The following MARK2 variants were observed in gnomAD, a reference collection of about 807,000 sequenced individuals.
The protein encoded by MARK2 is serine/threonine-protein kinase MARK2.
Under a neutral mutation model 89.8 loss-of-function variants are expected in MARK2, and 16 were observed. The ratio of observed to expected loss-of-function variants is 0.18; its 90% CI spans 0.12 to 0.27. The LOEUF (loss-of-function observed/expected upper bound fraction) is 0.27. Among genes scored for constraint, MARK2 ranks in the 10% least tolerant of loss-of-function variants. The pLI, the probability that MARK2 is intolerant of heterozygous loss-of-function variation, is 1.00. For missense variants in MARK2, 621 were observed against 1,049.9 expected, an observed-to-expected ratio of 0.59 and a Z score of 5.65; for synonymous variants, 382 against 399.5, an observed-to-expected ratio of 0.96 and a Z score of 0.52.
At chr11:63,889,273 GGCCA>G (rs1352085863) in intron 1 of MARK2, among the ~76,000 whole-genome samples, 2 of 152,274 alleles carry the variant, frequency 1.3e-5, no homozygotes, top group East Asian at 3.9e-4. Context: ...TAGGATCTGG[GGCCA>G]TTGCCCAGGA....
At chr11:63,856,661 GA>G (rs1247357893) in intron 1 of MARK2, among the ~76,000 whole-genome samples, 1 of 150,948 alleles carries the variant, frequency 6.6e-6, no homozygotes, top group African/African-American at 2.4e-5. Flanking sequence ...TGGCCTAAGT[GA>G]TCCGCCAACC....
At chr11:63,898,507 G>T in intron 4 of MARK2, 101 bp from the exon 5 acceptor site, 2 of 994,748 alleles carry the variant, frequency 2.0e-6, no homozygotes, top group Admixed American at 1.8e-5. Flanking sequence ...GATCATGAAA[G>T]GAGGGGAGAC....
At position 63,902,934 on chromosome 11, in the gene MARK2, T is replaced by C; in HGVS notation, c.1417-127T>C. The C allele has an allele frequency of 9.4e-7, 1 of 1,064,894 alleles. No individual in the cohort carries two copies. Among genetic ancestry groups the C allele is most frequent in the Non-Finnish European group, 1.4e-6 (1 of 700,086 alleles). 66.0% of individuals were successfully genotyped at this position (1,064,894 alleles called of 1,614,324 possible). On this transcript the variant is annotated intron_variant, in intron 13 of 18. Transcript: ENST00000402010. The surrounding 1 kb of genome is among the most constrained non-coding windows in gnomAD (Gnocchi z 4.2). ...TCCCAGCAGTAAATGCAGAATCCTT[T>C]CCTTAACCTACCACTGTCTGCTTCA...
intron 1 of MARK2, among the ~76,000 whole-genome samples, chr11:63,877,331 G>A (rs1171082959): frequency 5.9e-5 from 9 of 151,806 alleles, no homozygotes; most frequent in Admixed American, 2.0e-4. Context: ...GTCTGGTCTC[G>A]AACGCCTGAC....
chr11:63,856,994 T>G (rs1057349438), intron 1 of MARK2, among the ~76,000 whole-genome samples: 13 of 150,594 alleles, frequency 8.6e-5, no homozygotes, highest in Non-Finnish European at 1.9e-4. Flanking sequence ...TGTATTTTTA[T>G]TAGAGATGGG....
rs1590697520 is a variant in MARK2 at position 63,902,962 on chromosome 11, T to G, written c.1417-99T>G. The G allele has an allele frequency of 8.6e-7, 1 of 1,164,722 alleles. No homozygotes were observed. Among genetic ancestry groups the G allele is most frequent in the East Asian group, 2.3e-5 (1 of 42,798 alleles). 72.1% of individuals were successfully genotyped at this position (1,164,722 alleles called of 1,614,324 possible). ...TTAACCTACCACTGTCTGCTTCAGGTGGAAGGGACAGGAAGCCTGTTCCAT... is the reference window on the plus strand; with the variant it reads ...TTAACCTACCACTGTCTGCTTCAGGGGGAAGGGACAGGAAGCCTGTTCCAT... On this transcript the variant is annotated intron_variant, in intron 13 of 18. Coordinates refer to ENST00000402010, the MANE Select transcript of MARK2 (RefSeq NM_001039469.3). The surrounding 1 kb of genome is among the most constrained non-coding windows in gnomAD (Gnocchi z 4.2).
In MARK2 at chr11:63,902,337, G is replaced by A. The variant is rs1405173007; in HGVS notation, c.1234+7G>A. On this transcript the variant is annotated splice_region_variant and intron_variant, in intron 12 of 18. Transcript: ENST00000402010. The surrounding 1 kb of genome is among the most constrained non-coding windows in gnomAD (Gnocchi z 4.2). The stretch of plus-strand genomic sequence containing the variant: ...CGGCGCTTCAGCGACCAGGGTAAAT[G>A]CTTTTGGGAGTTGTAGGTGGGGACT... 1 of 1,613,850 alleles carries A rather than the reference G, an allele frequency of 6.2e-7. No individual in the cohort carries two copies. Among genetic ancestry groups the A allele is most frequent in the South Asian group, 1.1e-5 (1 of 91,080 alleles).
At chr11:63,887,680 CCAGAGG>C (rs1344881149) in intron 1 of MARK2, among the ~76,000 whole-genome samples, 1 of 152,008 alleles carries the variant, frequency 6.6e-6, no homozygotes, top group African/African-American at 2.4e-5. Context: ...GTTCTGAGAA[CCAGAGG>C]CAAGGCTGCA....
intron 1 of MARK2, among the ~76,000 whole-genome samples, chr11:63,861,764 A>G (rs1279903109): frequency 3.7e-4 from 51 of 139,640 alleles, no homozygotes; most frequent in Non-Finnish European, 7.4e-4. Context: ...TTTTTGAGAC[A>G]GAGTCTCGCT....
Position 63,902,080 on chromosome 11 carries a change from C to A in MARK2, c.1102-118C>A. On this transcript the variant is annotated intron_variant, in intron 11 of 18. Coordinates refer to ENST00000402010, the MANE Select transcript of MARK2 (RefSeq NM_001039469.3). This position sits in a 1 kb window ranked among gnomAD's most constrained non-coding sequence, Gnocchi z 4.2. ...TGTATTGGTCTTACAAGTGGATGTC[C>A]GGTATGATCCTGGGGTGTTTGAGTG... 1 of 1,094,426 alleles carries A rather than the reference C, an allele frequency of 9.1e-7. No homozygotes were observed. Among genetic ancestry groups the A allele is most frequent in the Non-Finnish European group, 1.3e-6 (1 of 761,600 alleles). 67.8% of individuals were successfully genotyped at this position (1,094,426 alleles called of 1,614,324 possible).
At chr11:63,845,221 A>C (rs1298222185) in intron 1 of MARK2, among the ~76,000 whole-genome samples, 1 of 152,104 alleles carries the variant, frequency 6.6e-6, no homozygotes, top group African/African-American at 2.4e-5. Context: ...TGTGGACTGG[A>C]GCTACTAGGC....
chr11:63,882,578 C>A (rs971411795), intron 1 of MARK2: 6 of 151,790 alleles, frequency 4.0e-5, no homozygotes, highest in African/African-American at 1.5e-4. Flanking sequence ...GAGCGAAACT[C>A]TGTCTCAAAA....
intron 3 of MARK2, among the ~76,000 whole-genome samples, chr11:63,898,023 G>A (rs557264641): frequency 2.0e-5 from 3 of 152,260 alleles, no homozygotes; most frequent in South Asian, 4.1e-4. Flanking sequence ...ATGCCATCCC[G>A]GGTAGCACGT....
Position 63,904,031 on chromosome 11 carries a change from C to T in MARK2, c.1560C>T (p.Ala520=), listed in dbSNP as rs747523553. The T allele has an allele frequency of 4.4e-6, 7 of 1,608,264 alleles. No homozygotes were observed. Among genetic ancestry groups the T allele is most frequent in the East Asian group, 2.2e-5 (1 of 44,832 alleles). Residue 520 remains alanine, a synonymous_variant, in exon 15 of 19, where the codon GCC becomes GCT. Transcript: ENST00000402010. The surrounding 1 kb of genome is among the most constrained non-coding windows in gnomAD (Gnocchi z 6.3). ...GGGCCTCCACGGCTTCTGCTTCTGC[C>T]GCAGTCTCTGCGGCCCGGCCCCGCC... ...GSRASTASAS[A]AVSAARPRQH... is the part of the protein sequence containing the mutation.
intron 1 of MARK2, chr11:63,868,960 T>C (rs904942668): frequency 4.5e-6 from 2 of 441,600 alleles, no homozygotes; most frequent in African/African-American, 2.0e-5. Flanking sequence ...CAGTCGCTTT[T>C]CCTGATTGAC....
At chr11:63,843,931 A>G (rs977172077) in intron 1 of MARK2, among the ~76,000 whole-genome samples, 1 of 152,092 alleles carries the variant, frequency 6.6e-6, no homozygotes, top group South Asian at 2.1e-4. Context: ...GCTAGCTAGC[A>G]TCTCAGTCCA....
At chr11:63,880,994 T>C (rs1486597085) in intron 1 of MARK2, among the ~76,000 whole-genome samples, 2 of 152,208 alleles carry the variant, frequency 1.3e-5, no homozygotes, top group Admixed American at 6.5e-5. Context: ...TGCTGGGCAT[T>C]GTTCTGGGCC....
chr11:63,860,377 C>A (rs1937681804), intron 1 of MARK2, among the ~76,000 whole-genome samples: 1 of 150,226 alleles, frequency 6.7e-6, no homozygotes, highest in African/African-American at 2.5e-5. Flanking sequence ...CATGGTGAAA[C>A]CCCGTCTCTA....
chr11:63,867,862 C>A (rs534385386), intron 1 of MARK2, among the ~76,000 whole-genome samples: 1 of 152,020 alleles, frequency 6.6e-6, no homozygotes, highest in East Asian at 1.9e-4. Context: ...GAAAAAAAAA[C>A]AAAAGCCATA....
Sources: gnomAD v4.1 joint callset for allele counts (sites outside exome capture counted in the v4.1 genomes callset) on GRCh38, gnomAD v4.1.1 for gene constraint, Gnocchi (gnomAD v3.1) non-coding constraint, MANE v1.5 for transcripts, NCBI Gene and HGNC (gene_info 2026-07-23, HGNC 2026-07-21) for gene names.